Variants in UFL1 observed in about 807,000 individuals in gnomAD.
The protein encoded by UFL1 is E3 UFM1-protein ligase 1.
A neutral mutation model predicts 99.3 loss-of-function variants in UFL1; 78 were observed. The ratio of observed to expected loss-of-function variants is 0.79; its 90% CI spans 0.65 to 0.95. The LOEUF (loss-of-function observed/expected upper bound fraction) is 0.95. UFL1 is among the 40% of genes least tolerant of loss of function. UFL1 has a pLI of 0.00. For missense variants in UFL1, 936 were observed against 937.0 expected, an observed-to-expected ratio of 1.00 and a Z score of 0.01; for synonymous variants, 335 against 322.2, an observed-to-expected ratio of 1.04 and a Z score of -0.42.
Position 96,549,578 on chromosome 6 carries a change from G to T in UFL1, c.1687G>T (p.Asp563Tyr), listed in dbSNP as rs1220380585. 4 of 1,595,056 alleles carry T rather than the reference G, an allele frequency of 2.5e-6. No individual in the cohort carries two copies. The highest frequency in any genetic ancestry group is 3.4e-6 in the Non-Finnish European group (4 of 1,172,842). Reference sequence around the variant, plus strand: ...TGAAAAAGGGATGAAGTTTTTTGCAGGTATACTTAATCTTTGTTAATCTTG... The same window carrying T: ...TGAAAAAGGGATGAAGTTTTTTGCATGTATACTTAATCTTTGTTAATCTTG... ...LFEKGMKFFA[D>Y]DTQAALTKHL... Residue 563 changes from aspartate (D) to tyrosine (Y), a missense_variant and splice_region_variant, in exon 14 of 19, where the codon GAT (aspartate) becomes TAT (tyrosine). Physicochemically the swap from Asp to Tyr is radical, Grantham distance 160 (BLOSUM62 -3). Transcript: ENST00000369278.
rs191461709 is a variant in UFL1, at chr6:96,541,581, T to C, written c.1279+926T>C. Among the ~76,000 whole-genome samples the C allele has an allele frequency of 2.5e-3, 376 of 151,276 alleles. 1 individual carries two copies. Among genetic ancestry groups the C allele is most frequent in the African/African-American group, 8.8e-3 (365 of 41,436 alleles). ...TTCTTAAAACTTTTCAATGGCATTA[T>C]GAAATTTCTCTATTCTTCCAGGAAA... On this transcript the variant is annotated intron_variant, in intron 11 of 18. Transcript: ENST00000369278.
In UFL1 at chr6:96,555,047, AAAAAG is replaced by A. The variant is rs1331093464; in HGVS notation, c.*1550_*1554del. ...AAATAGAAGAGACAGTGAAGCAAGT[AAAAAG>A]AAAAGCATTGTTTTAATTTGTTTGC... On this transcript the variant is annotated 3_prime_UTR_variant, in exon 19 of 19. Coordinates refer to ENST00000369278, the MANE Select transcript of UFL1 (RefSeq NM_015323.5). The A allele has an allele frequency of 6.6e-6, 1 of 152,608 alleles. No individual in the cohort carries two copies. The highest frequency in any genetic ancestry group is 2.4e-5 in the African/African-American group (1 of 41,472). 9.5% of individuals were successfully genotyped at this position (152,608 alleles called of 1,614,324 possible). A position where few individuals can be genotyped will look rare whatever the true frequency, so the allele number is the denominator to read the frequency against.
At chr6:96,534,897 T>G (rs1769832628) in intron 7 of UFL1, among the ~76,000 whole-genome samples, 1 of 151,850 alleles carries the variant, frequency 6.6e-6, no homozygotes, top group Non-Finnish European at 1.5e-5. Context: ...ATGTAAGAAC[T>G]AAAATGAAAA....
chr6:96,546,713 A>C (rs553129199), intron 12 of UFL1, among the ~76,000 whole-genome samples: 1 of 151,742 alleles, frequency 6.6e-6, no homozygotes, highest in Admixed American at 6.6e-5. Context: ...ATAAAGCCAC[A>C]TATCTACAAC....
Position 96,529,985 on chromosome 6 carries a change from C to T in UFL1, c.596+1353C>T, listed in dbSNP as rs183564421. On this transcript the variant is annotated intron_variant, in intron 6 of 18. Transcript: ENST00000369278. Reference sequence around the variant, plus strand: ...TATTTCCTATAGAAAGGGGCATCATCCTATATAACTATAATACAGTCATCA... The same window carrying T: ...TATTTCCTATAGAAAGGGGCATCATTCTATATAACTATAATACAGTCATCA... Among the ~76,000 whole-genome samples the T allele has an allele frequency of 4.6e-5, 7 of 152,218 alleles. No individual in the cohort carries two copies. In the East Asian group the frequency reaches 1.4e-3, roughly 29 times the overall value.
intron 4 of UFL1, 75 bp from the exon 5 acceptor site, chr6:96,526,246 A>G: frequency 1.5e-6 from 2 of 1,291,440 alleles, no homozygotes; most frequent in Non-Finnish European, 2.2e-6. Flanking sequence ...TTCAACGGAA[A>G]TTAAACATAA....
At chr6:96,534,874 A>T (rs1452318149) in intron 7 of UFL1, among the ~76,000 whole-genome samples, 3 of 151,866 alleles carry the variant, frequency 2.0e-5, no homozygotes, top group Non-Finnish European at 4.4e-5. Context: ...TTCAACTCAG[A>T]TTATCTGTGC....
Position 96,540,538 on chromosome 6 carries a change from A to G in UFL1, c.1162A>G (p.Met388Val), listed in dbSNP as rs1769916540. 6.3e-7 allele frequency: 1 copy of G among 1,596,510 alleles called. No individual in the cohort carries two copies. The highest frequency in any genetic ancestry group is 8.5e-7 in the Non-Finnish European group (1 of 1,173,706). Reference sequence around the variant, plus strand: ...AAAAAAGCATGTTTTATTTTAGGAAATGAAAAATAATCCTGTGCATTTAAT... The same window carrying G: ...AAAAAAGCATGTTTTATTTTAGGAAGTGAAAAATAATCCTGTGCATTTAAT... ...ELMHQKAEKE[M>V]KNNPVHLITE... Residue 388 changes from methionine to valine, a missense_variant, in exon 11 of 19, where the codon ATG becomes GTG. Physicochemically the swap from Met to Val is conservative, Grantham distance 21. Coordinates refer to ENST00000369278, the MANE Select transcript of UFL1 (RefSeq NM_015323.5).
rs756992388 is a variant in UFL1, at chr6:96,549,462, C to T, written c.1571C>T (p.Ser524Leu). ...LEVVRSVFMSSTTSASGTGRK... is the reference protein window; with the variant it reads ...LEVVRSVFMSLTTSASGTGRK... ...GTGGTACGTTCAGTATTCATGTCTT[C>T]AACAACTTCTGCTTCTGGGACGGGC... The change falls in exon 14 of 19, where the codon TCA (serine) becomes TTA (leucine). Residue 524 changes from serine to leucine, a missense_variant. By Grantham distance (145) the Ser-to-Leu change is moderately radical. Coordinates refer to ENST00000369278, the MANE Select transcript of UFL1 (RefSeq NM_015323.5). 1.3e-6 allele frequency: 2 copies of T among 1,597,864 alleles called. No homozygotes were observed. Among genetic ancestry groups the T allele is most frequent in the South Asian group, 1.1e-5 (1 of 86,980 alleles).
At chr6:96,549,951 C>A in intron 15 of UFL1, 152 bp downstream of exon 15, 1 of 971,038 alleles carries the variant, frequency 1.0e-6, no homozygotes, top group Non-Finnish European at 1.5e-6. Flanking sequence ...AACTTTAGTA[C>A]TATATATACA....
chr6:96,550,548 G>A (rs1389376111), intron 15 of UFL1, among the ~76,000 whole-genome samples: 1 of 151,962 alleles, frequency 6.6e-6, no homozygotes, highest in Non-Finnish European at 1.5e-5. Context: ...TGCCTCATAG[G>A]CGATATAAGT....
chr6:96,542,016 T>C (rs1769937619), intron 11 of UFL1, among the ~76,000 whole-genome samples: 2 of 151,262 alleles, frequency 1.3e-5, no homozygotes, highest in African/African-American at 4.8e-5. Context: ...GAAAAAGATC[T>C]TTAGTAATCA....
intron 6 of UFL1, among the ~76,000 whole-genome samples, chr6:96,532,464 G>C (rs903920951): frequency 1.3e-5 from 2 of 152,216 alleles, no homozygotes; most frequent in African/African-American, 2.4e-5. Flanking sequence ...CAATGTGGCA[G>C]TATTGGGAAG....
chr6:96,534,145 C>A (rs1419518542), intron 6 of UFL1, 118 bp from the exon 7 acceptor site: 12 of 620,350 alleles, frequency 1.9e-5, no homozygotes, highest in Non-Finnish European at 2.8e-5. Context: ...TAATTTTTGA[C>A]TTTATTTTTT....
chr6:96,553,262 A>C (rs759221938), intron 18 of UFL1, 23 bp from the exon 19 acceptor site: 72 of 1,599,198 alleles, frequency 4.5e-5, no homozygotes, highest in Non-Finnish European at 6.1e-5. Flanking sequence ...TGTGTTGATT[A>C]ACTTTTCTTT....
In UFL1 at chr6:96,540,624, T is replaced by TA. The variant is rs1164218972; in HGVS notation, c.1254dup (p.Asp419ArgfsTer2). On this transcript the variant is annotated frameshift_variant, in exon 11 of 19. Coordinates refer to ENST00000369278, the MANE Select transcript of UFL1 (RefSeq NM_015323.5). LOFTEE classifies it high-confidence loss of function. ...AAAGCGTTAGTACAAGTAAAAAGGA[T>TA]AAAAAAGATGAGCGAAGAAGGAAAG... The TA allele has an allele frequency of 1.2e-6, 2 of 1,601,878 alleles. No homozygotes were observed. The highest frequency in any genetic ancestry group is 1.1e-5 in the South Asian group (1 of 88,418).
intron 12 of UFL1, 33 bp from the exon 13 acceptor site, chr6:96,548,131 T>G (rs1279093859): frequency 7.2e-7 from 1 of 1,387,306 alleles, no homozygotes; most frequent in Non-Finnish European, 9.9e-7. Flanking sequence ...TTTTATTTAT[T>G]TATTTATTTG....
chr6:96,534,132 G>T (rs1769820984), intron 6 of UFL1, 131 bp from the exon 7 acceptor site: 1 of 512,936 alleles, frequency 1.9e-6, no homozygotes, highest in Non-Finnish European at 3.0e-6. Context: ...TTAAAATTTG[G>T]TGTAATTTTT....
rs570576180 is a variant in UFL1 at position 96,522,901 on chromosome 6, C to T, written c.78-245C>T. On this transcript the variant is annotated intron_variant, in intron 1 of 18. Transcript: ENST00000369278. ...AAGCAGGCCTGTAAGAGACAACAGA[C>T]TTGAAATTTGTGATGGGATGATGTG... is the stretch of plus-strand genomic sequence containing the variant. 4.4e-5 allele frequency: 13 copies of T among 292,830 alleles called. 1 individual carries two copies. The East Asian group carries it at 7.5e-4, about 17-fold the overall frequency. The allele number at this position is 292,830 out of a possible 1,614,324, so 18.1% of individuals were successfully genotyped here.
Sources: allele counts gnomAD v4.1 joint callset (sites outside exome capture counted in the v4.1 genomes callset), GRCh38; gene constraint gnomAD v4.1.1; transcripts MANE v1.5; gene names NCBI Gene and HGNC (gene_info 2026-07-23, HGNC 2026-07-21).